ATP13A3: variants seen among roughly 807,000 people sequenced by gnomAD.
ATP13A3 encodes polyamine-transporting ATPase 13A3.
A neutral mutation model predicts 158.1 loss-of-function variants in ATP13A3; 59 were observed. The observed-to-expected ratio is 0.37, with a 90% CI of 0.30 to 0.46. The LOEUF (loss-of-function observed/expected upper bound fraction) is 0.46, where lower values mean the gene tolerates loss of function less well. Among genes scored for constraint, ATP13A3 ranks in the 20% least tolerant of loss-of-function variants. ATP13A3 has a pLI of 1.00. For synonymous variants in ATP13A3, 491 were observed against 504.3 expected, an observed-to-expected ratio of 0.97 and a Z score of 0.35; for missense variants, 1,166 against 1,525.2, an observed-to-expected ratio of 0.76 and a Z score of 3.92.
chr3:194,479,509 C>G (rs914965782), intron 2 of ATP13A3, among the ~76,000 whole-genome samples: 3 of 151,202 alleles, frequency 2.0e-5, no homozygotes, highest in African/African-American at 4.9e-5. Flanking sequence ...GCTTAGAAAA[C>G]TGGTGACTTA....
In ATP13A3 at chr3:194,430,099, C is replaced by T. The variant is rs763725440; in HGVS notation, c.2750G>A (p.Ser917Asn). ...GATAAGGTTTGGCACACAGGAAATA[C>T]TAGGAGTCTTAGAGGTAAAGGGAGA... The part of the protein sequence containing the change: ...VASPFTSKTP[S>N]ISCVPNLIRE... The change falls in exon 26 of 34, where the codon AGT becomes AAT. Residue 917 changes from serine to asparagine, a missense_variant. Ser to Asn is a conservative substitution (Grantham distance 46). This residue lies in a region of ATP13A3 where 997 missense variants were observed against 1,341.2 expected (regional missense o/e 0.74). Transcript: ENST00000645319. 6.8e-6 allele frequency: 11 copies of T among 1,614,032 alleles called. No individual in the cohort carries two copies. Among genetic ancestry groups the T allele is most frequent in the Non-Finnish European group, 9.3e-6 (11 of 1,179,976 alleles).
In ATP13A3 at chr3:194,413,801, G is replaced by A. The variant is rs1422524376; in HGVS notation, c.3441C>T (p.Leu1147=). ...CAAAGGCATTGACAAGAACAATGAT[G>A]AGCATAGTTACACGCCACTGATATG... The part of the protein sequence containing the change: ...CVPYQWRVTM[L]IIVLVNAFVS... Residue 1147 remains leucine, a synonymous_variant, in exon 32 of 34, where the codon CTC becomes CTT. Coordinates refer to ENST00000645319, the MANE Select transcript of ATP13A3 (RefSeq NM_001367549.1). 3.7e-6 allele frequency: 6 copies of A among 1,613,880 alleles called. No homozygotes were observed. In the African/African-American group the frequency reaches 8.0e-5, roughly 22 times the overall value.
At chr3:194,459,428 C>T (rs1239210320) in intron 6 of ATP13A3, 43 bp downstream of exon 6, 1 of 1,321,420 alleles carries the variant, frequency 7.6e-7, no homozygotes, top group East Asian at 2.3e-5. Flanking sequence ...AGAACGTTTT[C>T]AGGATATTCA....
At chr3:194,455,854 G>A (rs756657308) in intron 8 of ATP13A3, 39 bp downstream of exon 8, 1 of 1,234,910 alleles carries the variant, frequency 8.1e-7, no homozygotes, top group Non-Finnish European at 1.1e-6. Context: ...CACATCCATT[G>A]ATCATGACTG....
Position 194,406,103 on chromosome 3 carries a change from C to G in ATP13A3, c.3587G>C (p.Arg1196Pro). Reference protein sequence around the residue: ...TTQPPQESVDRWGKCCLPWAL... With the variant: ...TTQPPQESVDPWGKCCLPWAL... ...CCAGGGTAAGCAGCATTTTCCCCAC[C>G]GATCCACTGACTCCTAAGAAAATAA... The change falls in exon 34 of 34, where the codon CGG (arginine) becomes CCG (proline). Residue 1196 changes from arginine to proline, a missense_variant. Transcript: ENST00000645319. 1 of 1,614,016 alleles carries G rather than the reference C, an allele frequency of 6.2e-7. No homozygotes were observed. The highest frequency in any genetic ancestry group is 8.5e-7 in the Non-Finnish European group (1 of 1,180,008).
chr3:194,409,745 C>T (rs550882419), intron 33 of ATP13A3, among the ~76,000 whole-genome samples: 5 of 132,662 alleles, frequency 3.8e-5, no homozygotes, highest in East Asian at 4.4e-4. Context: ...TATTAACACC[C>T]GGGGCTGCCA....
chr3:194,428,921 CA>C lies in ATP13A3; in HGVS notation c.2875-5del. ...AGTCTCCTAGGTTACTTAAGATCTA[CA>C]GAAGTAATTTTAAAAACATTATTAG... On this transcript the variant is annotated splice_polypyrimidine_tract_variant and splice_region_variant and intron_variant, in intron 27 of 33. Transcript: ENST00000645319. 2 of 1,549,614 alleles carry C rather than the reference CA, an allele frequency of 1.3e-6. No homozygotes were observed. Among genetic ancestry groups the C allele is most frequent in the South Asian group, 2.4e-5 (2 of 84,634 alleles).
chr3:194,453,929 T>C, intron 9 of ATP13A3, 151 bp from the exon 10 acceptor site: 2 of 671,146 alleles, frequency 3.0e-6, no homozygotes, highest in East Asian at 2.7e-5. Flanking sequence ...TATTCATTGT[T>C]TTAGTTCAAG....
In ATP13A3 at chr3:194,431,722, G is replaced by C. The variant is rs577037591; in HGVS notation, c.2416C>G (p.Pro806Ala). 6.4e-7 allele frequency: 1 copy of C among 1,564,384 alleles called. No individual in the cohort carries two copies. Among genetic ancestry groups the C allele is most frequent in the South Asian group, 1.2e-5 (1 of 83,122 alleles). ...TQCSHPSAID[P>A]EAIPVKLVHD... ...ACAGTCGATCTTGACCTTACCTCTG[G>C]GTCAATTGCTGATGGATGACTGCAC... Residue 806 changes from proline (P) to alanine (A), a missense_variant, in exon 22 of 34, where the codon CCA becomes GCA. Transcript: ENST00000645319.
Position 194,427,274 on chromosome 3 carries a change from G to A in ATP13A3, c.2948-22C>T, listed in dbSNP as rs9878918. Reference sequence around the variant, plus strand: ...CTCACTATATTGAAAAGAAAAAGAGGAAAGGTTTGTATTTACATTAATCTA... The same window carrying A: ...CTCACTATATTGAAAAGAAAAAGAGAAAAGGTTTGTATTTACATTAATCTA... On this transcript the variant is annotated intron_variant, in intron 28 of 33. Coordinates refer to ENST00000645319, the MANE Select transcript of ATP13A3 (RefSeq NM_001367549.1). 135,599 of 1,569,210 alleles carry A rather than the reference G, an allele frequency of 0.086. 11,070 individuals carry two copies. Among genetic ancestry groups the A allele is most frequent in the African/African-American group, 0.41 (29,865 of 72,044 alleles).
chr3:194,449,044 TAC>T (rs146993933), intron 11 of ATP13A3, among the ~76,000 whole-genome samples: 30,537 of 134,616 alleles, frequency 0.23, 3,398 homozygotes, highest in Non-Finnish European at 0.26. Flanking sequence ...GATCCACCCC[TAC>T]ACACACACAC....
intron 2 of ATP13A3, among the ~76,000 whole-genome samples, chr3:194,473,013 G>T (rs893927267): frequency 2.6e-5 from 4 of 152,052 alleles, no homozygotes; most frequent in Non-Finnish European, 5.9e-5. Context: ...TGAAGGAAGG[G>T]GTGGGGCAAG....
chr3:194,421,120 A>ATATATATATATATATAT (rs1716271526), intron 30 of ATP13A3, among the ~76,000 whole-genome samples: 2 of 37,554 alleles, frequency 5.3e-5, no homozygotes, highest in Non-Finnish European at 9.1e-5. Context: ...GGGTGTATAT[A>ATATATATATATATATAT]TATATATATA....
At chr3:194,413,174 C>A (rs948121640) in intron 32 of ATP13A3, 1 of 152,386 alleles carries the variant, frequency 6.6e-6, no homozygotes, top group South Asian at 2.1e-4. Context: ...GCAATCCTAA[C>A]GGGAGGGTAA....
At chr3:194,464,217 C>G (rs1376303195) in intron 2 of ATP13A3, among the ~76,000 whole-genome samples, 2 of 152,158 alleles carry the variant, frequency 1.3e-5, no homozygotes, top group Admixed American at 1.3e-4. Flanking sequence ...AATTTCACTC[C>G]TAACTACGAC....
rs1717704434 is a variant in ATP13A3 at position 194,437,172 on chromosome 3, C to G, written c.2043G>C (p.Gln681His). Reference sequence around the variant, plus strand: ...GTGCAAGAGCAATCACACGGAAGCCCTGTTTAGTGAAGTCTTCCAAAACGT... The same window carrying G: ...GTGCAAGAGCAATCACACGGAAGCCGTGTTTAGTGAAGTCTTCCAAAACGT... ...FQNVLEDFTK[Q>H]GFRVIALAHR... The change falls in exon 20 of 34, where the codon CAG becomes CAC. Residue 681 changes from glutamine (Q) to histidine (H), a missense_variant. By Grantham distance (24) the Gln-to-His change is conservative. Transcript: ENST00000645319. 1.2e-6 allele frequency: 2 copies of G among 1,613,846 alleles called. No individual in the cohort carries two copies. The highest frequency in any genetic ancestry group is 2.7e-5 in the African/African-American group (2 of 74,922).
rs1714795200 is a variant in ATP13A3, at chr3:194,404,295, T to C, written c.*1624A>G. On this transcript the variant is annotated 3_prime_UTR_variant, in exon 34 of 34. Transcript: ENST00000645319. Reference sequence around the variant, plus strand: ...ATTATATTTTTGCAGGAATCATCAGTGGCAATAGCAGTAACAGTGATCCTG... The same window carrying C: ...ATTATATTTTTGCAGGAATCATCAGCGGCAATAGCAGTAACAGTGATCCTG... 2 of 331,290 alleles carry C rather than the reference T, an allele frequency of 6.0e-6. No individual in the cohort carries two copies. The highest frequency in any genetic ancestry group is 2.3e-5 in the South Asian group (1 of 43,612). The allele number at this position is 331,290 out of a possible 1,614,324, so 20.5% of individuals were successfully genotyped here.
chr3:194,442,878 G>C (rs1175979571), intron 15 of ATP13A3, among the ~76,000 whole-genome samples: 4 of 152,068 alleles, frequency 2.6e-5, no homozygotes, highest in Non-Finnish European at 5.9e-5. Flanking sequence ...TTAACAAAAG[G>C]TATTAAGAGA....
chr3:194,482,004 T>TAA (rs1720772211), intron 2 of ATP13A3, among the ~76,000 whole-genome samples: 1 of 152,242 alleles, frequency 6.6e-6, no homozygotes, highest in South Asian at 2.1e-4. Context: ...TCTAAGATGT[T>TAA]AACAGATATG....
Sources: gnomAD v4.1 joint callset for allele counts (sites outside exome capture counted in the v4.1 genomes callset) on GRCh38, gnomAD v4.1.1 for gene constraint, gnomAD v4.1.1 regional missense constraint, MANE v1.5 for transcripts, NCBI Gene and HGNC (gene_info 2026-07-23, HGNC 2026-07-21) for gene names.